HFM1: variants seen among roughly 807,000 people sequenced by gnomAD.
HFM1 encodes the protein probable ATP-dependent DNA helicase HFM1.
In HFM1, 169 loss-of-function variants were observed where a neutral mutation model predicts 192.1. The ratio of observed to expected loss-of-function variants is 0.88; its 90% CI spans 0.78 to 1.00. The LOEUF (loss-of-function observed/expected upper bound fraction) is 1.00. HFM1 is among the 50% of genes least tolerant of loss of function. The pLI, the probability that HFM1 is intolerant of heterozygous loss-of-function variation, is 0.00. For synonymous variants in HFM1, 525 were observed against 537.8 expected, an observed-to-expected ratio of 0.98 and a Z score of 0.33; for missense variants, 1,661 against 1,668.0, an observed-to-expected ratio of 1.00 and a Z score of 0.07.
intron 4 of HFM1, among the ~76,000 whole-genome samples, chr1:91,388,645 A>C (rs562477563): frequency 1.3e-5 from 2 of 152,352 alleles, no homozygotes; most frequent in Admixed American, 6.5e-5. Flanking sequence ...AAAACTCTGA[A>C]ACCCTTAGAA....
At chr1:91,306,543 A>G (rs560704508) in intron 30 of HFM1, among the ~76,000 whole-genome samples, 5 of 152,260 alleles carry the variant, frequency 3.3e-5, no homozygotes, top group African/African-American at 1.2e-4. Context: ...CATGCAATAA[A>G]CCATACTTAA....
chr1:91,375,505 A>T, intron 12 of HFM1, 22 bp downstream of exon 12: 1 of 1,611,240 alleles, frequency 6.2e-7, no homozygotes, highest in African/African-American at 1.3e-5. Context: ...ATACTAAAAA[A>T]TAAGCTATCA....
intron 13 of HFM1, among the ~76,000 whole-genome samples, chr1:91,354,568 CAA>C (rs1210031950): frequency 6.6e-6 from 1 of 151,926 alleles, no homozygotes; most frequent in Non-Finnish European, 1.5e-5. Context: ...AAGTCAAAGA[CAA>C]AGAGAGAATT....
chr1:91,392,348 AATG>A (rs1186580998), intron 4 of HFM1, among the ~76,000 whole-genome samples: 1 of 152,234 alleles, frequency 6.6e-6, no homozygotes, highest in Non-Finnish European at 1.5e-5. Flanking sequence ...GAACCAACCA[AATG>A]TCCATCAATG....
At chr1:91,378,662 T>TA (rs1252864094) in intron 9 of HFM1, among the ~76,000 whole-genome samples, 182 bp from the exon 10 acceptor site, 1 of 152,138 alleles carries the variant, frequency 6.6e-6, no homozygotes, top group African/African-American at 2.4e-5. Context: ...TTTACAGTCT[T>TA]AAAGGTATTT....
At chr1:91,277,097 A>C (rs761927505) in intron 30 of HFM1, 35 bp from the exon 31 acceptor site, 12 of 1,097,294 alleles carry the variant, frequency 1.1e-5, no homozygotes, top group Non-Finnish European at 1.6e-5. Flanking sequence ...TCCATTTGTC[A>C]CTACATTTAT....
chr1:91,304,176 C>T (rs1334646440), intron 30 of HFM1, among the ~76,000 whole-genome samples: 2 of 151,952 alleles, frequency 1.3e-5, no homozygotes, highest in Non-Finnish European at 1.5e-5. Context: ...TTTAATTGGG[C>T]TATTTGTCTT....
Position 91,380,107 on chromosome 1 carries a change from A to G in HFM1, c.1003T>C (p.Tyr335His), listed in dbSNP as rs1661378301. ...CACTCTTATAATAAATACTTACTGT[A>G]AACAATTTTAATATTCAACCATGGC... Reference protein sequence around the residue: ...PLPWLNIKIVYMAPIKALCSQ... With the variant: ...PLPWLNIKIVHMAPIKALCSQ... Residue 335 changes from tyrosine (Y) to histidine (H), a missense_variant, in exon 8 of 39, where the codon TAC (tyrosine) becomes CAC (histidine). Tyr to His is a moderately conservative substitution (Grantham distance 83). Coordinates refer to ENST00000370425, the MANE Select transcript of HFM1 (RefSeq NM_001017975.6). 1.5e-6 allele frequency: 2 copies of G among 1,359,748 alleles called. No homozygotes were observed. The highest frequency in any genetic ancestry group is 2.0e-6 in the Non-Finnish European group (2 of 991,344). The allele number at this position is 1,359,748 out of a possible 1,614,324, so 84.2% of individuals were successfully genotyped here.
intron 4 of HFM1, among the ~76,000 whole-genome samples, chr1:91,393,445 C>T (rs1306262104): frequency 6.6e-6 from 1 of 152,150 alleles, no homozygotes. Flanking sequence ...TCCCCCGAAC[C>T]TGTTCTTACT....
chr1:91,367,272 C>G (rs994974030), intron 13 of HFM1, among the ~76,000 whole-genome samples: 5 of 152,322 alleles, frequency 3.3e-5, no homozygotes, highest in African/African-American at 1.2e-4. Flanking sequence ...GTTCTCCCAG[C>G]ACGCAGCTTG....
At chr1:91,359,118 C>T (rs1658130967) in intron 13 of HFM1, among the ~76,000 whole-genome samples, 1 of 152,082 alleles carries the variant, frequency 6.6e-6, no homozygotes, top group Non-Finnish European at 1.5e-5. Flanking sequence ...TCAGCAACAT[C>T]AAAGATCAAA....
chr1:91,375,577 T>G lies in HFM1; in HGVS notation c.1546A>C (p.Lys516Gln). 6.2e-7 allele frequency: 1 copy of G among 1,613,580 alleles called. No homozygotes were observed. Among genetic ancestry groups the G allele is most frequent in the South Asian group, 1.1e-5 (1 of 91,064 alleles). The change falls in exon 12 of 39, where the codon AAA becomes CAA. Residue 516 changes from lysine (K) to glutamine (Q), a missense_variant. Physicochemically the swap from Lys to Gln is moderately conservative, Grantham distance 53. Coordinates refer to ENST00000370425, the MANE Select transcript of HFM1 (RefSeq NM_001017975.6). ...EFKFDLTLNY[K>Q]IASVIQMYSD... ...TACATTTGTATAACACTGGCAATTT[T>G]GTAGTTGAGGGTTAAATCAAACTTA...
At chr1:91,378,234 T>G (rs377446279) in intron 10 of HFM1, 51 bp from the exon 11 acceptor site, 2 of 1,368,474 alleles carry the variant, frequency 1.5e-6, no homozygotes, top group Non-Finnish European at 1.0e-6. Flanking sequence ...AAAAATACAT[T>G]TAATCAATTA....
In HFM1 at chr1:91,266,043, G is replaced by T; in HGVS notation, c.3948C>A (p.Ser1316Arg). The change falls in exon 36 of 39, where the codon AGC (serine) becomes AGA (arginine). Residue 1316 changes from serine to arginine, a missense_variant. Coordinates refer to ENST00000370425, the MANE Select transcript of HFM1 (RefSeq NM_001017975.6). The part of the protein sequence containing the change: ...GSKLPLQESK[S>R]KFQREMSNSF... The stretch of plus-strand genomic sequence containing the variant: ...TGTTTGACATTTCTCTTTGGAATTT[G>T]CTCTTTGACTCTTGAAGGGGTAGCT... 6.3e-7 allele frequency: 1 copy of T among 1,580,846 alleles called. No homozygotes were observed. Among genetic ancestry groups the T allele is most frequent in the Non-Finnish European group, 8.5e-7 (1 of 1,169,926 alleles).
At chr1:91,328,999 A>G (rs1653372998) in intron 20 of HFM1, 2 of 1,612,464 alleles carry the variant, frequency 1.2e-6, no homozygotes, top group South Asian at 2.2e-5. Flanking sequence ...CAATCCAGGA[A>G]TTCCACCTGA....
intron 13 of HFM1, among the ~76,000 whole-genome samples, chr1:91,362,472 A>G (rs1027275721): frequency 1.3e-5 from 2 of 152,164 alleles, no homozygotes; most frequent in African/African-American, 4.8e-5. Flanking sequence ...AATACCTAGG[A>G]ATACAGCTAA....
chr1:91,275,470 C>A (rs1666721879), intron 32 of HFM1, among the ~76,000 whole-genome samples: 1 of 152,184 alleles, frequency 6.6e-6, no homozygotes, highest in Non-Finnish European at 1.5e-5. Flanking sequence ...TGTAGGACAT[C>A]CTTAGCTAGA....
At chr1:91,317,355 G>C (rs7521314) in intron 25 of HFM1, among the ~76,000 whole-genome samples, 1 of 151,852 alleles carries the variant, frequency 6.6e-6, no homozygotes, top group African/African-American at 2.4e-5. Context: ...CGGAGGTTGC[G>C]GTGAGCCAAG....
intron 4 of HFM1, among the ~76,000 whole-genome samples, chr1:91,388,462 A>G (rs1463901059): frequency 6.6e-6 from 1 of 152,244 alleles, no homozygotes; most frequent in Non-Finnish European, 1.5e-5. Context: ...ATTTATGGTC[A>G]GTTGATTTCC....
Sources: gnomAD v4.1 joint callset for allele counts (sites outside exome capture counted in the v4.1 genomes callset) on GRCh38, gnomAD v4.1.1 for gene constraint, MANE v1.5 for transcripts, NCBI Gene and HGNC (gene_info 2026-07-23, HGNC 2026-07-21) for gene names.